ADAMTS16: variants seen among roughly 807,000 people sequenced by gnomAD.
ADAMTS16 encodes the protein ADAM metallopeptidase with thrombospondin type 1 motif 16, also known as A disintegrin and metalloproteinase with thrombospondin motifs 16.
A neutral mutation model predicts 145.8 loss-of-function variants in ADAMTS16; 94 were observed. The ratio of observed to expected loss-of-function variants is 0.64; its 90% CI spans 0.55 to 0.77. The LOEUF is 0.77. Among genes scored for constraint, ADAMTS16 ranks in the 30% least tolerant of loss-of-function variants. The pLI is 0.00. For missense variants in ADAMTS16, 1,585 were observed against 1,591.5 expected (o/e 1.00, Z 0.07); for synonymous variants, 659 against 604.3 (o/e 1.09, Z -1.33).
intron 8 of ADAMTS16, among the ~76,000 whole-genome samples, chr5:5,193,127 T>A: frequency 6.6e-6 from 1 of 150,706 alleles, no homozygotes; most frequent in East Asian, 2.0e-4. Flanking sequence ...GGCCTCAGAC[T>A]TGTTCAAAGC....
chr5:5,291,192 T>C (rs949345742), intron 18 of ADAMTS16, among the ~76,000 whole-genome samples: 7 of 151,708 alleles, frequency 4.6e-5, no homozygotes, highest in African/African-American at 7.3e-5. Flanking sequence ...TCTGTGTCTC[T>C]GTGATTTTTT....
chr5:5,161,225 A>T (rs1734737876), intron 3 of ADAMTS16, among the ~76,000 whole-genome samples: 1 of 152,250 alleles, frequency 6.6e-6, no homozygotes, highest in African/African-American at 2.4e-5. Context: ...TTGCAGATTC[A>T]TCCTGTTATT....
chr5:5,180,323 T>C (rs919246), intron 3 of ADAMTS16, among the ~76,000 whole-genome samples: 3,285 of 152,316 alleles, frequency 0.022, 118 homozygotes, highest in African/African-American at 0.075. Context: ...GATACCCTGA[T>C]GTTCTGCAGG....
chr5:5,293,847 G>T (rs1322361590), intron 18 of ADAMTS16, among the ~76,000 whole-genome samples: 4 of 152,168 alleles, frequency 2.6e-5, no homozygotes, highest in Admixed American at 1.3e-4. Flanking sequence ...CCAGAGATTT[G>T]CCATCCTGTG....
At chr5:5,174,768 A>T (rs944611863) in intron 3 of ADAMTS16, among the ~76,000 whole-genome samples, 3 of 152,166 alleles carry the variant, frequency 2.0e-5, no homozygotes, top group African/African-American at 7.2e-5. Flanking sequence ...ATGCATTTTC[A>T]ACTCCAGAAT....
intron 18 of ADAMTS16, among the ~76,000 whole-genome samples, chr5:5,274,845 T>C (rs73735782): frequency 0.013 from 1,906 of 152,276 alleles, 37 homozygotes; most frequent in African/African-American, 0.043. Context: ...GCTGGTTATT[T>C]AGGTTAAATC....
intron 7 of ADAMTS16, among the ~76,000 whole-genome samples, chr5:5,191,447 C>T (rs1025235050): frequency 2.6e-5 from 4 of 152,060 alleles, no homozygotes; most frequent in Non-Finnish European, 2.9e-5. Flanking sequence ...GCACCACGAA[C>T]GTTACATAGA....
At chr5:5,238,209 G>A (rs983772033) in intron 14 of ADAMTS16, among the ~76,000 whole-genome samples, 10 of 152,120 alleles carry the variant, frequency 6.6e-5, no homozygotes, top group African/African-American at 2.2e-4. Flanking sequence ...TATTCTTAAT[G>A]ATATAGTGTC....
chr5:5,280,002 C>T (rs1213371789), intron 18 of ADAMTS16, among the ~76,000 whole-genome samples: 3 of 135,918 alleles, frequency 2.2e-5, no homozygotes, highest in Non-Finnish European at 4.8e-5. Flanking sequence ...TCTTTCTTTT[C>T]TTTCTCTACT....
At position 5,141,340 on chromosome 5, in the gene ADAMTS16, G is replaced by T. The variant is rs72739675; in HGVS notation, c.175+574G>T. On this transcript the variant is annotated intron_variant, in intron 2 of 22. Transcript: ENST00000274181. ...AGCTGATTGTGACACCATCAGCAAC[G>T]TTCATATCCTGGGCCACAATTTGAC... Among the ~76,000 whole-genome samples, 294 of 152,262 alleles carry T rather than the reference G, an allele frequency of 1.9e-3. 3 individuals carry two copies. The Middle Eastern group carries it at 0.024, about 12-fold the overall frequency.
intron 3 of ADAMTS16, 24 bp downstream of exon 3, chr5:5,146,479 T>A (rs753746155): frequency 6.4e-7 from 1 of 1,571,454 alleles, no homozygotes; most frequent in African/African-American, 1.4e-5. Context: ...AAGCCCCAGG[T>A]AGGGAGGCGA....
At chr5:5,253,620 C>T (rs1737692944) in intron 17 of ADAMTS16, among the ~76,000 whole-genome samples, 1 of 152,140 alleles carries the variant, frequency 6.6e-6, no homozygotes, top group Non-Finnish European at 1.5e-5. Context: ...AGGTTTTCAT[C>T]AATGCAACCC....
Position 5,176,942 on chromosome 5 carries a change from GT to G in ADAMTS16, c.502-5099del, listed in dbSNP as rs1205010131. Among the ~76,000 whole-genome samples, 6 of 152,250 alleles carry G rather than the reference GT, an allele frequency of 3.9e-5. No homozygotes were observed. In the East Asian group the frequency reaches 1.2e-3, roughly 29 times the overall value. On this transcript the variant is annotated intron_variant, in intron 3 of 22. Coordinates refer to ENST00000274181, the MANE Select transcript of ADAMTS16 (RefSeq NM_139056.4). ...CTGGGATGTTTATTACACTGATCCA[GT>G]TTAGCCAGGCCACAAGATCCAGGTA...
intron 17 of ADAMTS16, among the ~76,000 whole-genome samples, chr5:5,246,564 G>A (rs138034904): frequency 3.3e-5 from 5 of 152,246 alleles, no homozygotes; most frequent in African/African-American, 1.2e-4. Context: ...TTGGGTGTTT[G>A]GATCTGAACC....
Position 5,262,791 on chromosome 5 carries a change from G to C in ADAMTS16, c.2789+8G>C, listed in dbSNP as rs1286823119. On this transcript the variant is annotated splice_region_variant and intron_variant, in intron 18 of 22. Transcript: ENST00000274181. ...ATCTGCCTGTCCTCCCAGGTAAGAA[G>C]CATCGCGTTCATCAAAGCAGGTTTC... 9.3e-6 allele frequency: 15 copies of C among 1,613,070 alleles called. No homozygotes were observed. Among genetic ancestry groups the C allele is most frequent in the Non-Finnish European group, 1.3e-5 (15 of 1,179,738 alleles).
rs1345047568 is a variant in ADAMTS16, at chr5:5,317,733, C to T, written c.3412-401C>T. Among the ~76,000 whole-genome samples the T allele has an allele frequency of 1.3e-5, 2 of 152,264 alleles. No individual in the cohort carries two copies. The highest frequency in any genetic ancestry group is 2.4e-5 in the African/African-American group (1 of 41,558). ...TTTTTTAAAAAGTGAACTCAGCCCC[C>T]ACAAAGCCCAAGCCCGGGAACCGTC... On this transcript the variant is annotated intron_variant, in intron 21 of 22. Transcript: ENST00000274181. This position sits in a 1 kb window ranked among gnomAD's most constrained non-coding sequence, Gnocchi z 4.5.
At chr5:5,222,278 C>A (rs552996584) in intron 10 of ADAMTS16, among the ~76,000 whole-genome samples, 1 of 151,780 alleles carries the variant, frequency 6.6e-6, no homozygotes, top group Non-Finnish European at 1.5e-5. Flanking sequence ...ATATTTTAAG[C>A]CTTAATCACA....
intron 3 of ADAMTS16, among the ~76,000 whole-genome samples, chr5:5,171,276 T>G (rs1735034947): frequency 6.6e-6 from 1 of 152,240 alleles, no homozygotes; most frequent in Admixed American, 6.5e-5. Flanking sequence ...TTCTCTTGTC[T>G]GATTGCTCTA....
In ADAMTS16 at chr5:5,269,889, A is replaced by T. The variant is rs1560979353; in HGVS notation, c.2789+7106A>T. On this transcript the variant is annotated intron_variant, in intron 18 of 22. Coordinates refer to ENST00000274181, the MANE Select transcript of ADAMTS16 (RefSeq NM_139056.4). The surrounding 1 kb of genome is among the most constrained non-coding windows in gnomAD (Gnocchi z 4.3). ...CACTGTGTGCTGGAAGAAAAGGTGC[A>T]GTTCAGCAGCAGAGGGCCAGTCTAG... Among the ~76,000 whole-genome samples the T allele has an allele frequency of 6.6e-6, 1 of 152,178 alleles. No individual in the cohort carries two copies. Among genetic ancestry groups the T allele is most frequent in the Non-Finnish European group, 1.5e-5 (1 of 68,028 alleles).
Sources: allele counts gnomAD v4.1 joint callset (sites outside exome capture counted in the v4.1 genomes callset), GRCh38; gene constraint gnomAD v4.1.1; non-coding constraint Gnocchi (gnomAD v3.1); transcripts MANE v1.5; gene names NCBI Gene and HGNC (gene_info 2026-07-23, HGNC 2026-07-21).